The following RNF213 variants were observed in gnomAD, a reference collection of about 807,000 sequenced individuals.
RNF213 encodes E3 ubiquitin-protein ligase RNF213.
Under a neutral mutation model 514.4 loss-of-function variants are expected in RNF213, and 341 were observed. The observed-to-expected ratio is 0.66, with a 90% CI of 0.61 to 0.73. The LOEUF is 0.73. Among genes scored for constraint, RNF213 ranks in the 30% least tolerant of loss-of-function variants. RNF213 has a pLI of 0.00. For missense variants in RNF213, 5,767 were observed against 6,615.6 expected (o/e 0.87, Z 4.45); for synonymous variants, 2,655 against 2,658.2 (o/e 1.00, Z 0.04).
chr17:80,340,563 C>A, intron 26 of RNF213: 2 of 583,948 alleles, frequency 3.4e-6, no homozygotes, highest in Non-Finnish European at 6.1e-6. Context: ...CTGGGAGCCC[C>A]ATTCCCTTCC....
chr17:80,364,289 T>C, intron 41 of RNF213, 144 bp from the exon 42 acceptor site: 4 of 1,101,642 alleles, frequency 3.6e-6, no homozygotes, highest in Admixed American at 3.7e-5. Flanking sequence ...CCAGGAAGTA[T>C]GTCACATAGG....
intron 3 of RNF213, among the ~76,000 whole-genome samples, chr17:80,281,342 A>G (rs1268368151): frequency 2.6e-5 from 1 of 38,578 alleles, no homozygotes; most frequent in East Asian, 1.1e-3. Context: ...ACGCCCCCAC[A>G]CACACACCCC....
intron 20 of RNF213, among the ~76,000 whole-genome samples, chr17:80,331,065 C>G (rs901580549): frequency 6.6e-6 from 1 of 152,158 alleles, no homozygotes; most frequent in East Asian, 1.9e-4. Flanking sequence ...GTGATCCATC[C>G]GCCTCAGCCT....
At chr17:80,277,595 CAAAAAAA>C (rs34659718) in intron 3 of RNF213, among the ~76,000 whole-genome samples, 2 of 69,728 alleles carry the variant, frequency 2.9e-5, no homozygotes, top group Non-Finnish European at 5.5e-5. Context: ...GACTCTGTCT[CAAAAAAA>C]AAAAAAAAAA....
rs1485977858 is a variant in RNF213, at chr17:80,386,885, C to A, written c.14916C>A (p.Ser4972Arg). The part of the protein sequence containing the change: ...SRFLQGKPRL[S>R]LKGIPTLVYR... The stretch of plus-strand genomic sequence containing the variant: ...TCCTCCAGGGCAAGCCCCGGCTGAG[C>A]CTCAAGGTAGGGCTGACTCCTGCCA... Residue 4972 changes from serine (S) to arginine (R), a missense_variant, in exon 63 of 68, where the codon AGC becomes AGA. Physicochemically the swap from Ser to Arg is moderately radical, Grantham distance 110. Transcript: ENST00000582970. 3 of 1,611,414 alleles carry A rather than the reference C, an allele frequency of 1.9e-6. No homozygotes were observed. The highest frequency in any genetic ancestry group is 2.5e-6 in the Non-Finnish European group (3 of 1,179,172).
At chr17:80,324,270 C>T (rs979942753) in intron 17 of RNF213, among the ~76,000 whole-genome samples, 1 of 152,112 alleles carries the variant, frequency 6.6e-6, no homozygotes, top group African/African-American at 2.4e-5. Flanking sequence ...CTTTTTGTTC[C>T]TCATTTGTTG....
rs201282643 is a variant in RNF213, at chr17:80,289,760, G to A, written c.1035G>A (p.Lys345=). Residue 345 remains lysine (K), a synonymous_variant, in exon 6 of 68, where the codon AAG becomes AAA. Transcript: ENST00000582970. ...EPEDLKKPEG[K]NRSAAAVKNE... ...AAGACCTCAAGAAGCCAGAGGGGAAGAACAGAAGTGCAGCTGCTGTGAAAA... is the reference window on the plus strand; with the variant it reads ...AAGACCTCAAGAAGCCAGAGGGGAAAAACAGAAGTGCAGCTGCTGTGAAAA... 6.2e-7 allele frequency: 1 copy of A among 1,613,992 alleles called. No homozygotes were observed. The highest frequency in any genetic ancestry group is 1.3e-5 in the African/African-American group (1 of 75,030).
intron 8 of RNF213, among the ~76,000 whole-genome samples, chr17:80,292,661 A>T (rs926992213): frequency 6.7e-6 from 1 of 150,102 alleles, no homozygotes; most frequent in African/African-American, 2.5e-5. Context: ...GCGCCCCTTC[A>T]TGCCTCTCTC....
Position 80,354,527 on chromosome 17 carries a change from G to T in RNF213, c.10813G>T (p.Ala3605Ser). ...ESQFHPLEWL[A>S]REACNQDALQ... ...CCAGTTTCACCCTCTGGAGTGGTTG[G>T]CAAGGGAAGCCTGCAACCAGGACGC... Residue 3605 changes from alanine to serine, a missense_variant, in exon 36 of 68, where the codon GCA becomes TCA. This residue lies in a region of RNF213 where 919 missense variants were observed against 1,121.0 expected (regional missense o/e 0.82). Transcript: ENST00000582970. 6.2e-7 allele frequency: 1 copy of T among 1,614,208 alleles called. No individual in the cohort carries two copies.
At chr17:80,387,262 T>A (rs961452803) in intron 63 of RNF213, among the ~76,000 whole-genome samples, 2 of 152,174 alleles carry the variant, frequency 1.3e-5, no homozygotes, top group Non-Finnish European at 2.9e-5. Flanking sequence ...TGCACCACCA[T>A]GCCCAGCTAA....
intron 14 of RNF213, among the ~76,000 whole-genome samples, chr17:80,309,775 A>C (rs2045501790): frequency 6.6e-6 from 1 of 151,476 alleles, no homozygotes; most frequent in Non-Finnish European, 1.5e-5. Context: ...TTGTTTTTTA[A>C]GACGGGGTCT....
At chr17:80,295,420 C>T in intron 9 of RNF213, 137 bp from the exon 10 acceptor site, 1 of 1,113,984 alleles carries the variant, frequency 9.0e-7, no homozygotes, top group Non-Finnish European at 1.3e-6. Flanking sequence ...ACTGCAGCTC[C>T]TCCTGTGGCT....
At chr17:80,269,519 C>CT (rs1390187535) in intron 2 of RNF213, among the ~76,000 whole-genome samples, 2 of 150,878 alleles carry the variant, frequency 1.3e-5, no homozygotes, top group African/African-American at 4.9e-5. Flanking sequence ...TCTATCCATC[C>CT]ATCCTCTTTC....
intron 3 of RNF213, among the ~76,000 whole-genome samples, chr17:80,274,107 C>G (rs866105330): frequency 6.6e-6 from 1 of 152,018 alleles, no homozygotes; most frequent in Non-Finnish European, 1.5e-5. Context: ...CCGCTGGGTG[C>G]GTGTCTTGCG....
intron 3 of RNF213, 101 bp downstream of exon 3, chr17:80,273,505 C>A: frequency 6.8e-7 from 1 of 1,476,720 alleles, no homozygotes; most frequent in Non-Finnish European, 9.2e-7. Flanking sequence ...CCACCATGGC[C>A]CAGCCCATTG....
intron 2 of RNF213, 112 bp from the exon 3 acceptor site, chr17:80,273,129 G>C: frequency 1.4e-6 from 2 of 1,436,194 alleles, no homozygotes; most frequent in South Asian, 1.2e-5. Flanking sequence ...GCAGGACCTC[G>C]GAGGGAGAAC....
At chr17:80,318,091 T>A (rs1351082406) in intron 16 of RNF213, among the ~76,000 whole-genome samples, 4 of 152,142 alleles carry the variant, frequency 2.6e-5, no homozygotes, top group Admixed American at 2.6e-4. Context: ...TCCTTGGAAG[T>A]CCAGCCATCC....
rs1387002702 is a variant in RNF213 at position 80,294,883 on chromosome 17, C to T, written c.1635C>T (p.Asp545=). ...DSTFSILQTW[D]TINLNSFFTQ... The stretch of plus-strand genomic sequence containing the variant: ...CCTTCAGCATCCTGCAGACCTGGGA[C>T]ACCATCAACCTGAACAGCTTCTTCA... The change falls in exon 9 of 68, where the codon GAC becomes GAT. Residue 545 remains aspartate (D), a synonymous_variant. Coordinates refer to ENST00000582970, the MANE Select transcript of RNF213 (RefSeq NM_001256071.3). The T allele has an allele frequency of 6.2e-7, 1 of 1,614,082 alleles. No homozygotes were observed. The highest frequency in any genetic ancestry group is 1.3e-5 in the African/African-American group (1 of 74,922).
chr17:80,311,552 AGCAGCACCT>A (rs2045574105), intron 14 of RNF213, among the ~76,000 whole-genome samples: 1 of 152,174 alleles, frequency 6.6e-6, no homozygotes, highest in Non-Finnish European at 1.5e-5. Context: ...TCTCTTTCAC[AGCAGCACCT>A]GCATCCTGGT....
Sources: gnomAD v4.1 joint callset for allele counts (sites outside exome capture counted in the v4.1 genomes callset) on GRCh38, gnomAD v4.1.1 for gene constraint, gnomAD v4.1.1 regional missense constraint, MANE v1.5 for transcripts, NCBI Gene and HGNC (gene_info 2026-07-23, HGNC 2026-07-21) for gene names.